Variants in GPHN observed in about 807,000 individuals in gnomAD.
GPHN encodes the protein gephyrin.
In GPHN, 17 loss-of-function variants were observed where a neutral mutation model predicts 95.5. The observed-to-expected ratio is 0.18, with a 90% confidence interval of 0.12 to 0.27. The LOEUF (loss-of-function observed/expected upper bound fraction) is 0.27, where lower values mean the gene tolerates loss of function less well. Ranked by LOEUF, GPHN falls within the 10% of genes least tolerant of loss-of-function variation. The pLI is 1.00. For missense variants in GPHN, 660 were observed against 978.1 expected (o/e 0.67, Z 4.34); for synonymous variants, 320 against 322.5 (o/e 0.99, Z 0.08).
chr14:67,563,286 G>A, the GPHN span, among the ~76,000 whole-genome samples: 1 of 152,228 alleles, frequency 6.6e-6, no homozygotes, highest in Non-Finnish European at 1.5e-5. Context: ...GAACCTCTGT[G>A]CCTCAGCTTC....
chr14:67,547,508 G>C, the GPHN span, among the ~76,000 whole-genome samples: 1 of 152,146 alleles, frequency 6.6e-6, no homozygotes, highest in African/African-American at 2.4e-5. Flanking sequence ...GTTGCTACAC[G>C]CACTGGGAGG....
chr14:66,616,737 G>A (rs141649983), intron 1 of GPHN, among the ~76,000 whole-genome samples: 150 of 151,966 alleles, frequency 9.9e-4, no homozygotes, highest in Middle Eastern at 3.4e-3. Context: ...ACGGAGTCTC[G>A]CTATGTTGTC....
the GPHN span, chr14:67,200,091 T>C: frequency 3.0e-6 from 3 of 1,011,834 alleles, no homozygotes; most frequent in South Asian, 3.1e-5. Context: ...TGCCTTATCC[T>C]GGACCTCCTC....
chr14:66,839,078 C>G (rs2061973376), intron 4 of GPHN, among the ~76,000 whole-genome samples: 4 of 152,092 alleles, frequency 2.6e-5, no homozygotes, highest in Non-Finnish European at 5.9e-5. Flanking sequence ...GAGGTAGTAA[C>G]CATTTTAGAT....
chr14:67,054,574 A>G (rs2075459680), intron 10 of GPHN, among the ~76,000 whole-genome samples: 3 of 152,146 alleles, frequency 2.0e-5, no homozygotes, highest in African/African-American at 4.8e-5. Context: ...TACCCTTGAC[A>G]TTTTTCACAG....
chr14:66,792,957 A>G (rs1036323933), intron 3 of GPHN, among the ~76,000 whole-genome samples: 8 of 152,296 alleles, frequency 5.3e-5, no homozygotes, highest in Admixed American at 5.2e-4. Context: ...TATCTGCAGC[A>G]GGAACATGCC....
At chr14:66,659,510 G>A (rs2065510813) in intron 1 of GPHN, among the ~76,000 whole-genome samples, 1 of 151,816 alleles carries the variant, frequency 6.6e-6, no homozygotes, top group Non-Finnish European at 1.5e-5. Flanking sequence ...TTCTAATTTT[G>A]TGAGGCTTCT....
chr14:67,484,527 C>T, the GPHN span, among the ~76,000 whole-genome samples: 5 of 152,262 alleles, frequency 3.3e-5, no homozygotes, highest in South Asian at 2.1e-4. Flanking sequence ...AGCAAAAGTT[C>T]CCTGTAATCA....
At chr14:67,662,997 C>T in the GPHN span, 1 of 1,393,678 alleles carries the variant, frequency 7.2e-7, no homozygotes, top group East Asian at 2.7e-5. Context: ...AACTCGTACA[C>T]TACTTTTCTG....
the GPHN span, among the ~76,000 whole-genome samples, chr14:67,478,726 C>T: frequency 6.6e-6 from 1 of 152,128 alleles, no homozygotes; most frequent in East Asian, 1.9e-4. Context: ...GGCCGGTGAA[C>T]CCTCCTTTAA....
the GPHN span, among the ~76,000 whole-genome samples, chr14:67,206,832 G>A: frequency 1.3e-5 from 2 of 151,876 alleles, no homozygotes; most frequent in African/African-American, 2.4e-5. Context: ...TCAGGTTCAA[G>A]CGATTCTTAT....
rs1047135954 is a variant in GPHN at position 66,987,285 on chromosome 14, G to A, written c.963+21960G>A. Among the ~76,000 whole-genome samples the A allele has an allele frequency of 9.2e-5, 14 of 151,978 alleles. No homozygotes were observed. In the East Asian group the frequency reaches 9.6e-4, roughly 10 times the overall value. ...AAATTCAGGTGAGAAGGTACAGAAC[G>A]ACATGACTTTTTGAAAATTACTGAA... On this transcript the variant is annotated intron_variant, in intron 9 of 22. Coordinates refer to ENST00000478722, the MANE Select transcript of GPHN (RefSeq NM_020806.5).
chr14:67,240,490 A>T, the GPHN span, among the ~76,000 whole-genome samples: 1 of 152,222 alleles, frequency 6.6e-6, no homozygotes, highest in African/African-American at 2.4e-5. Flanking sequence ...TCACAGGCAT[A>T]GTTTGGCCTC....
the GPHN span, among the ~76,000 whole-genome samples, chr14:67,638,617 T>C: frequency 6.6e-6 from 1 of 152,134 alleles, no homozygotes; most frequent in Non-Finnish European, 1.5e-5. Flanking sequence ...GTGCAAATTA[T>C]AGAGTTGAGT....
intron 1 of GPHN, among the ~76,000 whole-genome samples, chr14:66,524,163 A>C (rs1171989891): frequency 6.6e-6 from 1 of 152,156 alleles, no homozygotes; most frequent in Non-Finnish European, 1.5e-5. Flanking sequence ...GTTCTAGTTA[A>C]AAAGTTAAAG....
the GPHN span, chr14:67,533,276 G>A: frequency 2.0e-5 from 3 of 152,062 alleles, no homozygotes; most frequent in East Asian, 5.9e-4. Flanking sequence ...CCTGCTGCCG[G>A]GGAGGGGAGA....
chr14:66,911,444 G>A (rs768947836), intron 5 of GPHN, among the ~76,000 whole-genome samples: 1 of 151,892 alleles, frequency 6.6e-6, no homozygotes, highest in African/African-American at 2.4e-5. Context: ...TATTGATAGA[G>A]CTGTTTTACA....
At chr14:66,574,177 G>A (rs930702424) in intron 1 of GPHN, among the ~76,000 whole-genome samples, 1 of 152,020 alleles carries the variant, frequency 6.6e-6, no homozygotes, top group Non-Finnish European at 1.5e-5. Flanking sequence ...CTACTACAGG[G>A]TTTTTCTTTG....
chr14:66,934,721 C>T (rs1323799073), intron 8 of GPHN, among the ~76,000 whole-genome samples: 1 of 152,114 alleles, frequency 6.6e-6, no homozygotes, highest in Non-Finnish European at 1.5e-5. Context: ...AGAAACAATC[C>T]TGAGAAACAG....
Sources: gnomAD v4.1 joint callset for allele counts (sites outside exome capture counted in the v4.1 genomes callset) on GRCh38, gnomAD v4.1.1 for gene constraint, MANE v1.5 for transcripts, NCBI Gene and HGNC (gene_info 2026-07-23, HGNC 2026-07-21) for gene names.